ADAM19: variants seen among roughly 807,000 people sequenced by gnomAD.
ADAM19 encodes the protein ADAM metallopeptidase domain 19.
A neutral mutation model predicts 114.7 loss-of-function variants in ADAM19; 65 were observed. The ratio of observed to expected loss-of-function variants is 0.57; its 90% CI spans 0.46 to 0.70. ADAM19 has a LOEUF of 0.70. ADAM19 is among the 30% of genes least tolerant of loss of function. The pLI is 0.00. For missense variants in ADAM19, 1,063 were observed against 1,204.7 expected (o/e 0.88, Z 1.74); for synonymous variants, 466 against 460.5 (o/e 1.01, Z -0.15).
chr5:157,488,311 G>A lies in ADAM19; in HGVS notation c.2504C>T (p.Pro835Leu), dbSNP rs1437955761. Residue 835 changes from proline (P) to leucine (L), a missense_variant, in exon 21 of 23, where the codon CCT becomes CTT. Physicochemically the swap from Pro to Leu is moderately conservative, Grantham distance 98. Around this residue, in one of 3 missense-constraint regions of ADAM19, gnomAD observed 424 missense variants for 445.5 expected, o/e 0.95. Transcript: ENST00000257527. ...TGCGGGGGGAATTGGCCGGCTTGGA[G>A]GAGGCCTCCTGGACGACTCCGTCCT... ...IERTESSRRP[P>L]PSRPIPPAPN... 1 of 1,614,064 alleles carries A rather than the reference G, an allele frequency of 6.2e-7. No individual in the cohort carries two copies. Among genetic ancestry groups the A allele is most frequent in the East Asian group, 2.2e-5 (1 of 44,894 alleles).
chr5:157,505,938 C>T, intron 10 of ADAM19, 130 bp from the exon 11 acceptor site: 1 of 1,003,768 alleles, frequency 1.0e-6, no homozygotes. Flanking sequence ...TACAGACTCT[C>T]CATATGTGCC....
rs1361663565 is a variant in ADAM19 at position 157,491,610 on chromosome 5, C to T, written c.2095+5G>A. ...GGGCAGTGGCCCCAGCAGGCTGGCACTCACTCTCAGGGGGCATAGGCCCAC... is the reference window on the plus strand; with the variant it reads ...GGGCAGTGGCCCCAGCAGGCTGGCATTCACTCTCAGGGGGCATAGGCCCAC... On this transcript the variant is annotated splice_donor_5th_base_variant and intron_variant, in intron 18 of 22. Transcript: ENST00000257527. 3 of 1,489,502 alleles carry T rather than the reference C, an allele frequency of 2.0e-6. No individual in the cohort carries two copies. Among genetic ancestry groups the T allele is most frequent in the Non-Finnish European group, 1.8e-6 (2 of 1,117,402 alleles). The allele number at this position is 1,489,502 out of a possible 1,614,324, so 92.3% of individuals were successfully genotyped here.
chr5:157,574,946 T>A (rs1448625596), intron 1 of ADAM19, among the ~76,000 whole-genome samples: 1 of 152,192 alleles, frequency 6.6e-6, no homozygotes, highest in Non-Finnish European at 1.5e-5. Flanking sequence ...GGCGTGGCCT[T>A]GGGCAAGTCC....
intron 3 of ADAM19, among the ~76,000 whole-genome samples, chr5:157,553,512 T>A (rs1046900458): frequency 2.1e-4 from 32 of 152,336 alleles, no homozygotes; most frequent in African/African-American, 7.7e-4. Context: ...TCTGTTGTTG[T>A]ATAAATGCAA....
intron 18 of ADAM19, 109 bp from the exon 19 acceptor site, chr5:157,490,563 T>C (rs1028568404): frequency 2.3e-6 from 3 of 1,306,622 alleles, no homozygotes; most frequent in Non-Finnish European, 3.2e-6. Flanking sequence ...GCATTTAATT[T>C]GTATTACTTA....
chr5:157,540,288 C>T (rs1011591908), intron 3 of ADAM19, among the ~76,000 whole-genome samples: 3 of 152,236 alleles, frequency 2.0e-5, no homozygotes, highest in African/African-American at 7.2e-5. Context: ...ACGCAATGTG[C>T]TCATTCCTGC....
In ADAM19 at chr5:157,478,052, T is replaced by C. The variant is rs568059179; in HGVS notation, c.*2897A>G. On this transcript the variant is annotated 3_prime_UTR_variant, in exon 23 of 23. Transcript: ENST00000257527. ...TTCTAGAGACAGGGAGACAGGGCAC[T>C]AAATCCCTTGAGGTTTGTTTTAGAG... is the stretch of plus-strand genomic sequence containing the variant. 2 of 207,998 alleles carry C rather than the reference T, an allele frequency of 9.6e-6. No individual in the cohort carries two copies. The highest frequency in any genetic ancestry group is 2.3e-5 in the African/African-American group (1 of 43,834). The allele number at this position is 207,998 out of a possible 1,614,324, so 12.9% of individuals were successfully genotyped here. A position where few individuals can be genotyped will look rare whatever the true frequency, so the allele number is the denominator to read the frequency against.
intron 19 of ADAM19, among the ~76,000 whole-genome samples, chr5:157,490,062 A>G (rs1755096685): frequency 1.3e-5 from 2 of 152,218 alleles, no homozygotes; most frequent in African/African-American, 4.8e-5. Context: ...TTATATTTCA[A>G]CTTGATTTGG....
rs894766216 is a variant in ADAM19 at position 157,502,307 on chromosome 5, A to G, written c.1308+496T>C. Among the ~76,000 whole-genome samples, 8 of 152,348 alleles carry G rather than the reference A, an allele frequency of 5.3e-5. No individual in the cohort carries two copies. In the South Asian group the frequency reaches 1.7e-3, roughly 32 times the overall value. ...GATCAGAAGGAAGGAGAGAGTTTAC[A>G]CATAAACAGTTCCTCCTAGCAGCCC... On this transcript the variant is annotated intron_variant, in intron 12 of 22. Coordinates refer to ENST00000257527, the MANE Select transcript of ADAM19 (RefSeq NM_033274.5).
chr5:157,555,941 C>T (rs962046515), intron 3 of ADAM19, among the ~76,000 whole-genome samples: 4 of 152,170 alleles, frequency 2.6e-5, no homozygotes, highest in African/African-American at 4.8e-5. Context: ...GTCAAATCTC[C>T]TTCTGCCTCC....
intron 12 of ADAM19, among the ~76,000 whole-genome samples, chr5:157,502,136 C>T (rs1755582958): frequency 6.6e-6 from 1 of 152,076 alleles, no homozygotes; most frequent in South Asian, 2.1e-4. Context: ...GTTATCTACC[C>T]CAAATTGTTA....
intron 3 of ADAM19, among the ~76,000 whole-genome samples, chr5:157,540,497 T>C (rs1756886612): frequency 6.6e-6 from 1 of 152,122 alleles, no homozygotes; most frequent in African/African-American, 2.4e-5. Flanking sequence ...CATTACCCCA[T>C]CATCACAGGC....
intron 15 of ADAM19, among the ~76,000 whole-genome samples, chr5:157,494,306 T>C (rs1265901422): frequency 6.6e-6 from 1 of 151,638 alleles, no homozygotes; most frequent in Non-Finnish European, 1.5e-5. Flanking sequence ...GACAGATGAG[T>C]GGATGGTTGG....
chr5:157,509,385 T>G lies in ADAM19; in HGVS notation c.821A>C (p.Asn274Thr), dbSNP rs550370689. 2.5e-6 allele frequency: 4 copies of G among 1,613,738 alleles called. No individual in the cohort carries two copies. In the South Asian group the frequency reaches 4.4e-5, roughly 18 times the overall value. The change falls in exon 9 of 23, where the codon AAT (asparagine) becomes ACT (threonine). Residue 274 changes from asparagine (N) to threonine (T), a missense_variant. Physicochemically the swap from Asn to Thr is moderately conservative, Grantham distance 65. Transcript: ENST00000257527. Reference protein sequence around the residue: ...THGNMCEVSENPYSTLWSFLS... With the variant: ...THGNMCEVSETPYSTLWSFLS... ...AAAGGACCAGAGGGTAGAATATGGATTCTCTGAAACTTCACACATGTTCCC... is the reference window on the plus strand; with the variant it reads ...AAAGGACCAGAGGGTAGAATATGGAGTCTCTGAAACTTCACACATGTTCCC...
chr5:157,538,340 C>T (rs955829455), intron 3 of ADAM19, among the ~76,000 whole-genome samples: 2 of 152,164 alleles, frequency 1.3e-5, no homozygotes, highest in African/African-American at 4.8e-5. Flanking sequence ...TGTTGTGTAC[C>T]GTGGTTGATT....
At chr5:157,539,635 A>G (rs550865178) in intron 3 of ADAM19, among the ~76,000 whole-genome samples, 2 of 152,388 alleles carry the variant, frequency 1.3e-5, no homozygotes, top group East Asian at 3.9e-4. Context: ...AAAGCAAAGC[A>G]CAAACCCCAG....
intron 18 of ADAM19, 96 bp from the exon 19 acceptor site, chr5:157,490,550 T>C (rs1244968175): frequency 2.1e-6 from 3 of 1,416,990 alleles, no homozygotes; most frequent in African/African-American, 2.9e-5. Flanking sequence ...AGGCATTTGA[T>C]TTGCATTTAA....
chr5:157,516,097 GATTA>G (rs746682314), intron 7 of ADAM19, among the ~76,000 whole-genome samples: 48 of 152,112 alleles, frequency 3.2e-4, no homozygotes, highest in Non-Finnish European at 6.3e-4. Context: ...CATCCTCTCA[GATTA>G]ATTAATTAAT....
intron 21 of ADAM19, among the ~76,000 whole-genome samples, chr5:157,486,647 A>G (rs1016129795): frequency 3.3e-5 from 5 of 152,026 alleles, no homozygotes; most frequent in Admixed American, 6.5e-5. Flanking sequence ...GTTTTTCAGA[A>G]CAACAGTCTG....
Sources: allele counts gnomAD v4.1 joint callset (sites outside exome capture counted in the v4.1 genomes callset), GRCh38; gene constraint gnomAD v4.1.1; regional missense constraint gnomAD v4.1.1; transcripts MANE v1.5; gene names NCBI Gene and HGNC (gene_info 2026-07-23, HGNC 2026-07-21).